PCDHGA2: variants seen among roughly 807,000 people sequenced by gnomAD.
PCDHGA2 encodes the protein protocadherin gamma subfamily A, 2.
A neutral mutation model predicts 59.2 loss-of-function variants in PCDHGA2; 40 were observed. The ratio of observed to expected loss-of-function variants is 0.68; its 90% confidence interval spans 0.52 to 0.88. The LOEUF (loss-of-function observed/expected upper bound fraction) is 0.88. PCDHGA2 is among the 40% of genes least tolerant of loss of function. The probability of loss-of-function intolerance (pLI) is 0.00; values close to 1 mark genes in which losing one functional copy is unlikely to be tolerated. For synonymous variants in PCDHGA2, 560 were observed against 526.0 expected (o/e 1.06, Z -0.89); for missense variants, 1,226 against 1,204.0 (o/e 1.02, Z -0.27).
chr5:141,499,689 CTTTTTTTTT>C (rs545067566), intron 2 of PCDHGA2, among the ~76,000 whole-genome samples: 2 of 119,856 alleles, frequency 1.7e-5, no homozygotes, highest in African/African-American at 6.2e-5. Flanking sequence ...TAACAGATGA[CTTTTTTTTT>C]TTTTTTTTTT....
At position 141,430,558 on chromosome 5, in the gene PCDHGA2, G is replaced by A. The variant is rs1472516429; in HGVS notation, c.2425-64249G>A. 2.2e-5 allele frequency: 9 copies of A among 417,488 alleles called. No homozygotes were observed. In the East Asian group the frequency reaches 3.3e-4, roughly 15 times the overall value. The allele number at this position is 417,488 out of a possible 1,614,324, so 25.9% of individuals were successfully genotyped here. On this transcript the variant is annotated intron_variant, in intron 1 of 3. Transcript: ENST00000394576. ...TCTGAGCGCCGCTGTTCACCAATCGGGGAGAGAAAAGCGGAGATCCTGCTC... is the reference window on the plus strand; with the variant it reads ...TCTGAGCGCCGCTGTTCACCAATCGAGGAGAGAAAAGCGGAGATCCTGCTC...
intron 1 of PCDHGA2, chr5:141,371,334 A>G (rs1767674983): frequency 3.1e-6 from 5 of 1,613,888 alleles, no homozygotes; most frequent in Non-Finnish European, 4.2e-6. Context: ...AGAGAGAGAT[A>G]GCTACACAAT....
Position 141,486,319 on chromosome 5 carries a change from C to T in PCDHGA2, c.2425-8488C>T, listed in dbSNP as rs148184642. The T allele has an allele frequency of 1.7e-4, 268 of 1,614,058 alleles. No individual in the cohort carries two copies. The African/African-American group carries it at 1.7e-3, about 10-fold the overall frequency. Reference sequence around the variant, plus strand: ...TGCAGGATCCAGACTCAGGGTCAAACGGAGATGTGAGCCTCCGCATTCCTG... The same window carrying T: ...TGCAGGATCCAGACTCAGGGTCAAATGGAGATGTGAGCCTCCGCATTCCTG... On this transcript the variant is annotated intron_variant, in intron 1 of 3. Transcript: ENST00000394576. The surrounding 1 kb of genome is among the most constrained non-coding windows in gnomAD (Gnocchi z 5.0).
intron 3 of PCDHGA2, among the ~76,000 whole-genome samples, chr5:141,506,202 G>A (rs911181875): frequency 6.6e-6 from 1 of 152,184 alleles, no homozygotes; most frequent in Non-Finnish European, 1.5e-5. Context: ...TGTAATCCCA[G>A]CACTTTGGGA....
In PCDHGA2 at chr5:141,340,344, C is replaced by T. The variant is rs185685102; in HGVS notation, c.1373C>T (p.Ser458Phe). 8 of 1,614,198 alleles carry T rather than the reference C, an allele frequency of 5.0e-6. No individual in the cohort carries two copies. The highest frequency in any genetic ancestry group is 2.7e-5 in the African/African-American group (2 of 75,060). The change falls in exon 1 of 4, where the codon TCC becomes TTC. Residue 458 changes from serine to phenylalanine, a missense_variant. Coordinates refer to ENST00000394576, the MANE Select transcript of PCDHGA2 (RefSeq NM_018915.4). ...CCCGCCTTCTCCCGCACATCCTACT[C>T]CACCTACATTCCCGAAAACAACCCC... ...NAPAFSRTSY[S>F]TYIPENNPRG...
chr5:141,350,382 A>G (rs1758460204), intron 1 of PCDHGA2: 1 of 1,590,226 alleles, frequency 6.3e-7, no homozygotes, highest in African/African-American at 1.3e-5. Context: ...GAGCTAGCCA[A>G]CGGCTCACGG....
intron 1 of PCDHGA2, chr5:141,361,146 T>C (rs1761903923): frequency 1.2e-6 from 2 of 1,613,968 alleles, no homozygotes; most frequent in East Asian, 4.5e-5. Context: ...AAGTTGAAAT[T>C]CTTGATGACA....
chr5:141,350,066 G>A, intron 1 of PCDHGA2: 1 of 416,630 alleles, frequency 2.4e-6, no homozygotes, highest in Non-Finnish European at 4.2e-6. Context: ...GGAAGTGAAG[G>A]CTTCTCAATT....
At position 141,487,550 on chromosome 5, in the gene PCDHGA2, G is replaced by A. The variant is rs762537798; in HGVS notation, c.2425-7257G>A. 1 of 1,614,160 alleles carries A rather than the reference G, an allele frequency of 6.2e-7. No individual in the cohort carries two copies. The highest frequency in any genetic ancestry group is 1.1e-5 in the South Asian group (1 of 91,082). ...CTTCATGATGGTGAAGTCACCCAGT[G>A]CACCTATGGCAGGGGAGCCTGTTCG... On this transcript the variant is annotated intron_variant, in intron 1 of 3. Transcript: ENST00000394576. The surrounding 1 kb of genome is among the most constrained non-coding windows in gnomAD (Gnocchi z 5.0).
chr5:141,419,479 C>A, intron 1 of PCDHGA2: 2 of 1,612,390 alleles, frequency 1.2e-6, no homozygotes, highest in Non-Finnish European at 1.7e-6. Flanking sequence ...AGGGCTCGCC[C>A]GCGCTCAGCG....
chr5:141,420,337 A>G, intron 1 of PCDHGA2: 8 of 1,402,708 alleles, frequency 5.7e-6, no homozygotes, highest in Non-Finnish European at 7.6e-6. Flanking sequence ...ATTCCAATAT[A>G]GTGGTATTAT....
At position 141,431,871 on chromosome 5, in the gene PCDHGA2, T is replaced by C; in HGVS notation, c.2425-62936T>C. The C allele has an allele frequency of 1.9e-6, 3 of 1,614,234 alleles. No homozygotes were observed. The highest frequency in any genetic ancestry group is 2.5e-6 in the Non-Finnish European group (3 of 1,180,032). The stretch of plus-strand genomic sequence containing the variant: ...GGGACATTAATTGCCCTTTTAAATG[T>C]AAATGACCAAGATTCTGAGGAAAAC... On this transcript the variant is annotated intron_variant, in intron 1 of 3. Coordinates refer to ENST00000394576, the MANE Select transcript of PCDHGA2 (RefSeq NM_018915.4). The surrounding 1 kb of genome is among the most constrained non-coding windows in gnomAD (Gnocchi z 4.8).
At chr5:141,481,813 G>A (rs185558948) in intron 1 of PCDHGA2, among the ~76,000 whole-genome samples, 15 of 151,942 alleles carry the variant, frequency 9.9e-5, no homozygotes, top group East Asian at 7.8e-4. Context: ...TTCACCAGGC[G>A]TGGTGGCTGA....
chr5:141,450,006 C>CT lies in PCDHGA2; in HGVS notation c.2425-44783dup, dbSNP rs1554136305. ...CACATTGCATTTAGTTGCCATGTCT[C>CT]TTTTTTTTTTTTTTTTTTGAGACAG... On this transcript the variant is annotated intron_variant, in intron 1 of 3. Coordinates refer to ENST00000394576, the MANE Select transcript of PCDHGA2 (RefSeq NM_018915.4). Among the ~76,000 whole-genome samples the CT allele has an allele frequency of 9.8e-3, 1,304 of 132,922 alleles. 21 individuals are homozygous for CT. Among genetic ancestry groups the CT allele is most frequent in the Non-Finnish European group, 0.015 (957 of 62,878 alleles). 87.2% of individuals were successfully genotyped at this position (132,922 alleles called of 152,430 possible).
intron 1 of PCDHGA2, chr5:141,350,969 C>A: frequency 6.2e-7 from 1 of 1,614,098 alleles, no homozygotes; most frequent in South Asian, 1.1e-5. Context: ...TGATAATGCT[C>A]CCGTGTTTAG....
At chr5:141,377,786 A>G (rs1774350895) in intron 1 of PCDHGA2, 1 of 152,178 alleles carries the variant, frequency 6.6e-6, no homozygotes, top group African/African-American at 2.4e-5. Flanking sequence ...GACCTGAATA[A>G]CATTCCTGTA....
At chr5:141,492,063 C>T in intron 1 of PCDHGA2, 1 of 481,160 alleles carries the variant, frequency 2.1e-6, no homozygotes, top group African/African-American at 2.0e-5. Flanking sequence ...CAGCCAGCCT[C>T]CTAGGCGCCG....
chr5:141,348,198 G>C (rs570583538), intron 1 of PCDHGA2, among the ~76,000 whole-genome samples: 6 of 152,322 alleles, frequency 3.9e-5, no homozygotes, highest in Non-Finnish European at 7.3e-5. Flanking sequence ...CAAAAGAATA[G>C]ATTCCTCCCT....
In PCDHGA2 at chr5:141,356,944, G is replaced by T. The variant is rs368136545; in HGVS notation, c.2424+15549G>T. The stretch of plus-strand genomic sequence containing the variant: ...TGGTGTGGAGCTGGCACCCCGCTCC[G>T]CAGATTCCGGCTACCTGGTGACCAA... On this transcript the variant is annotated intron_variant, in intron 1 of 3. Coordinates refer to ENST00000394576, the MANE Select transcript of PCDHGA2 (RefSeq NM_018915.4). The T allele has an allele frequency of 1.1e-5, 17 of 1,614,090 alleles. No individual in the cohort carries two copies. In the African/African-American group the frequency reaches 2.3e-4, roughly 22 times the overall value.
Sources: gnomAD v4.1 joint callset for allele counts (sites outside exome capture counted in the v4.1 genomes callset) on GRCh38, gnomAD v4.1.1 for gene constraint, Gnocchi (gnomAD v3.1) non-coding constraint, MANE v1.5 for transcripts, NCBI Gene and HGNC (gene_info 2026-07-23, HGNC 2026-07-21) for gene names.